The following CCDC136 variants were observed in gnomAD, a reference collection of about 807,000 sequenced individuals.
CCDC136 encodes the protein coiled-coil domain containing 136, also known as coiled-coil domain-containing protein 136.
CCDC136 carries 100 observed loss-of-function variants against 141.2 expected under a neutral mutation model. The ratio of observed to expected loss-of-function variants is 0.71; its 90% CI spans 0.60 to 0.84. The LOEUF (loss-of-function observed/expected upper bound fraction) is 0.84, where lower values mean the gene tolerates loss of function less well. Ranked by LOEUF, CCDC136 falls within the 40% of genes least tolerant of loss-of-function variation. The pLI is 0.00. For synonymous variants in CCDC136, 474 were observed against 531.9 expected, an observed-to-expected ratio of 0.89 and a Z score of 1.50; for missense variants, 1,206 against 1,379.4, an observed-to-expected ratio of 0.87 and a Z score of 1.99.
intron 5 of CCDC136, among the ~76,000 whole-genome samples, 172 bp downstream of exon 5, chr7:128,804,933 G>T (rs1804604996): frequency 6.6e-6 from 1 of 152,164 alleles, no homozygotes; most frequent in Non-Finnish European, 1.5e-5. Flanking sequence ...CAGACATGGG[G>T]ATCCGACCCA....
chr7:128,797,363 A>C (rs1803194755), intron 3 of CCDC136, among the ~76,000 whole-genome samples: 1 of 152,234 alleles, frequency 6.6e-6, no homozygotes, highest in South Asian at 2.1e-4. Context: ...ATTAGAATCC[A>C]TGGGAAATAA....
rs572782871 is a variant in CCDC136, at chr7:128,803,534, CACAGGT to C, written c.671-1113_671-1108del. ...AGGCTTGGTGGTGTGTGCCTGTAGT[CACAGGT>C]ACTTGGGAGGCCGAGGTGGGAGGAT... On this transcript the variant is annotated intron_variant, in intron 4 of 17. Transcript: ENST00000297788. Among the ~76,000 whole-genome samples, 47 of 152,240 alleles carry C rather than the reference CACAGGT, an allele frequency of 3.1e-4. 1 individual carries two copies. The South Asian group carries it at 8.1e-3, about 26-fold the overall frequency.
At chr7:128,809,868 G>A (rs898273225) in intron 11 of CCDC136, among the ~76,000 whole-genome samples, 7 of 152,316 alleles carry the variant, frequency 4.6e-5, no homozygotes, top group African/African-American at 1.7e-4. Context: ...AGGAATCTGT[G>A]CAGCAGTTTA....
In CCDC136 at chr7:128,815,780, A is replaced by G. The variant is rs189812175; in HGVS notation, c.3212A>G (p.Glu1071Gly). Residue 1071 changes from glutamate to glycine, a missense_variant, in exon 16 of 18, where the codon GAA becomes GGA. Coordinates refer to ENST00000297788, the MANE Select transcript of CCDC136 (RefSeq NM_022742.5). ...GTTGCTGAGCCAGCAGATCCTGAGG[A>G]AGCTAAATCCACAGAAGATCAGGAG... is the stretch of plus-strand genomic sequence containing the variant. Reference protein sequence around the residue: ...ELVAEPADPEEAKSTEDQEEN... With the variant: ...ELVAEPADPEGAKSTEDQEEN... 6.3e-7 allele frequency: 1 copy of G among 1,582,938 alleles called. No homozygotes were observed. The highest frequency in any genetic ancestry group is 2.3e-5 in the East Asian group (1 of 42,996).
At chr7:128,807,145 T>C (rs1368101477) in intron 9 of CCDC136, among the ~76,000 whole-genome samples, 1 of 152,016 alleles carries the variant, frequency 6.6e-6, no homozygotes, top group Non-Finnish European at 1.5e-5. Flanking sequence ...TTTATATTTA[T>C]TTATTTATTT....
chr7:128,791,916 G>T, upstream of CCDC136: 1 of 588,764 alleles, frequency 1.7e-6, no homozygotes. This position sits in a 1 kb window ranked among gnomAD's most constrained non-coding sequence, Gnocchi z 7.1. Flanking sequence ...GGAGAGGGGA[G>T]GGGAGCGGTC....
chr7:128,800,367 A>G (rs1170328398), intron 3 of CCDC136, among the ~76,000 whole-genome samples: 1 of 152,042 alleles, frequency 6.6e-6, no homozygotes, highest in African/African-American at 2.4e-5. Context: ...CTTGGCTCAC[A>G]GCAACCTCTG....
intron 4 of CCDC136, among the ~76,000 whole-genome samples, chr7:128,803,197 A>G (rs1264907608): frequency 1.3e-5 from 2 of 152,188 alleles, no homozygotes; most frequent in Non-Finnish European, 1.5e-5. Context: ...GTGGACACAG[A>G]GTCTTGCTCT....
chr7:128,792,484 C>T (rs1288190765), intron 1 of CCDC136, 57 bp downstream of exon 1: 3 of 1,379,866 alleles, frequency 2.2e-6, no homozygotes, highest in Admixed American at 1.9e-5. Context: ...TAATTCCCTT[C>T]TTTCCTCCCT....
At position 128,807,442 on chromosome 7, in the gene CCDC136, T is replaced by C. The variant is rs769486645; in HGVS notation, c.1502T>C (p.Met501Thr). The C allele has an allele frequency of 8.9e-6, 14 of 1,572,568 alleles. No homozygotes were observed. Among genetic ancestry groups the C allele is most frequent in the South Asian group, 4.7e-5 (4 of 84,548 alleles). The stretch of plus-strand genomic sequence containing the variant: ...GACGAGCTGGAGCGGCAGAAGCACA[T>C]GTATGACCAGCTGGAGCAGGACCTC... ...SKDELERQKHMYDQLEQDLLL... is the reference protein window; with the variant it reads ...SKDELERQKHTYDQLEQDLLL... Residue 501 changes from methionine to threonine, a missense_variant, in exon 10 of 18, where the codon ATG becomes ACG. Coordinates refer to ENST00000297788, the MANE Select transcript of CCDC136 (RefSeq NM_022742.5).
At chr7:128,809,165 A>T in intron 10 of CCDC136, 1 of 357,788 alleles carries the variant, frequency 2.8e-6, no homozygotes, top group Admixed American at 4.6e-5. Context: ...AGAAAGGGGC[A>T]TCGATAGCAT....
In CCDC136 at chr7:128,812,163, GA is replaced by G; in HGVS notation, c.2393del (p.Glu798GlyfsTer57). On this transcript the variant is annotated frameshift_variant, in exon 13 of 18. Transcript: ENST00000297788. LOFTEE classifies it high-confidence loss of function. ...KSYDSSTSAS[E>X]AYGKSYCTTS... ...CTATGACAGCAGCACCAGTGCCAGT[GA>G]GGCCTATGGGAAGAGTTACTGCACT... 1 of 1,614,026 alleles carries G rather than the reference GA, an allele frequency of 6.2e-7. No individual in the cohort carries two copies. The highest frequency in any genetic ancestry group is 8.5e-7 in the Non-Finnish European group (1 of 1,179,904).
intron 13 of CCDC136, 104 bp from the exon 14 acceptor site, chr7:128,812,604 G>A (rs1261949957): frequency 1.1e-6 from 1 of 902,814 alleles, no homozygotes; most frequent in Admixed American, 2.1e-5. Flanking sequence ...GGGCATCTCT[G>A]GATCCTGGTG....
In CCDC136 at chr7:128,817,795, C is replaced by A. The variant is rs1257075336; in HGVS notation, c.3401C>A (p.Pro1134His). ...CCCAATCCCCCCATCTTCTCCTTGC[C>A]TCTTGTAGGCCTGGTGGTCATCTCG... ...PTPNPPIFSL[P>H]LVGLVVISAL... is the part of the protein sequence containing the mutation. Residue 1134 changes from proline to histidine, a missense_variant, in exon 17 of 18, where the codon CCT becomes CAT. Physicochemically the swap from Pro to His is moderately conservative, Grantham distance 77. Coordinates refer to ENST00000297788, the MANE Select transcript of CCDC136 (RefSeq NM_022742.5). The surrounding 1 kb of genome is among the most constrained non-coding windows in gnomAD (Gnocchi z 4.6). 1.9e-6 allele frequency: 3 copies of A among 1,613,730 alleles called. No individual in the cohort carries two copies. Among genetic ancestry groups the A allele is most frequent in the African/African-American group, 1.3e-5 (1 of 74,866 alleles).
rs954697156 is a variant in CCDC136, at chr7:128,810,002, C to T, written c.1801-137C>T. ...GGTCTCCATAGAAGGGCTCCCCCGT[C>T]CCCAGATGGGCTCTGTGAAGTCAAC... is the stretch of plus-strand genomic sequence containing the variant. On this transcript the variant is annotated intron_variant, in intron 11 of 17. Transcript: ENST00000297788. 1.6e-5 allele frequency: 10 copies of T among 621,574 alleles called. No homozygotes were observed. In the African/African-American group the frequency reaches 1.8e-4, roughly 11 times the overall value. 38.5% of individuals were successfully genotyped at this position (621,574 alleles called of 1,614,324 possible).
Position 128,794,155 on chromosome 7 carries a change from G to A in CCDC136, c.17-193G>A, listed in dbSNP as rs1463084550. On this transcript the variant is annotated intron_variant, in intron 1 of 17. Coordinates refer to ENST00000297788, the MANE Select transcript of CCDC136 (RefSeq NM_022742.5). The surrounding 1 kb of genome is among the most constrained non-coding windows in gnomAD (Gnocchi z 4.3). ...TCCAGGAAGGGCCTGGGAGGTGGAG[G>A]GGCTGCTTCTCAACTTGACTCTCAC... 4 of 717,948 alleles carry A rather than the reference G, an allele frequency of 5.6e-6. No homozygotes were observed. The highest frequency in any genetic ancestry group is 3.5e-5 in the African/African-American group (2 of 57,430). 44.5% of individuals were successfully genotyped at this position (717,948 alleles called of 1,614,324 possible).
intron 17 of CCDC136, chr7:128,818,071 A>G: frequency 1.9e-6 from 1 of 538,478 alleles, no homozygotes; most frequent in Non-Finnish European, 3.3e-6. Flanking sequence ...CGTAATGCAT[A>G]GGAGGTTGGA....
intron 3 of CCDC136, among the ~76,000 whole-genome samples, chr7:128,797,029 C>T (rs1184871654): frequency 1.3e-5 from 2 of 152,086 alleles, no homozygotes; most frequent in Admixed American, 6.5e-5. Flanking sequence ...GCGTGAGCCA[C>T]CGCGCCCGGC....
intron 7 of CCDC136, 94 bp from the exon 8 acceptor site, chr7:128,806,143 A>G (rs1804799682): frequency 3.3e-6 from 4 of 1,198,400 alleles, no homozygotes; most frequent in Non-Finnish European, 4.6e-6. Context: ...GAGCTCCTCA[A>G]GATGTCTGCA....
Sources: gnomAD v4.1 joint callset for allele counts (sites outside exome capture counted in the v4.1 genomes callset) on GRCh38, gnomAD v4.1.1 for gene constraint, Gnocchi (gnomAD v3.1) non-coding constraint, MANE v1.5 for transcripts, NCBI Gene and HGNC (gene_info 2026-07-23, HGNC 2026-07-21) for gene names.